Variants in FBXO15 observed in about 807,000 individuals in gnomAD.
FBXO15 encodes the protein F-box protein 15, also known as F-box only protein 15.
FBXO15 carries 30 observed loss-of-function variants against 49.5 expected under a neutral mutation model. That is an observed-to-expected ratio of 0.61 (90% CI 0.45 to 0.82). The LOEUF (loss-of-function observed/expected upper bound fraction) is 0.82, where lower values mean the gene tolerates loss of function less well. FBXO15 is among the 40% of genes least tolerant of loss of function. The pLI is 0.00. For missense variants in FBXO15, 591 were observed against 631.5 expected (o/e 0.94, Z 0.69); for synonymous variants, 250 against 232.7 (o/e 1.07, Z -0.68).
At chr18:74,147,415 G>A in intron 1 of FBXO15, 1 of 968,102 alleles carries the variant, frequency 1.0e-6, no homozygotes, top group East Asian at 4.4e-5. Context: ...TGGCAGGTGC[G>A]CGCATCCCCG....
At chr18:74,093,264 G>GC (rs35793189) in intron 8 of FBXO15, among the ~76,000 whole-genome samples, 19 of 8,316 alleles carry the variant, frequency 2.3e-3, no homozygotes, top group South Asian at 0.017. Flanking sequence ...GCAAAACAAT[G>GC]GGGGGGGGGT....
intron 9 of FBXO15, among the ~76,000 whole-genome samples, chr18:74,077,211 G>A (rs1912290860): frequency 6.6e-6 from 1 of 152,212 alleles, no homozygotes; most frequent in African/African-American, 2.4e-5. Context: ...ACCACTATGT[G>A]CTGAATGAAT....
intron 1 of FBXO15, among the ~76,000 whole-genome samples, chr18:74,143,189 AATTTT>A (rs1240859640): frequency 2.6e-5 from 4 of 152,296 alleles, no homozygotes; most frequent in Non-Finnish European, 4.4e-5. Flanking sequence ...CATCAAATAT[AATTTT>A]ATTTAAGATA....
At position 74,105,271 on chromosome 18, in the gene FBXO15, T is replaced by C. The variant is rs191797705; in HGVS notation, c.1138+18097A>G. Among the ~76,000 whole-genome samples the C allele has an allele frequency of 5.7e-3, 875 of 152,308 alleles. 3 individuals carry two copies. Among genetic ancestry groups the C allele is most frequent in the Non-Finnish European group, 0.01 (698 of 68,024 alleles). On this transcript the variant is annotated intron_variant, in intron 8 of 9. Transcript: ENST00000419743. ...CTACAGTCTATGATTGCCTATTATA[T>C]ATTTCAAAATAGTTAGAATTAAATA...
chr18:74,139,019 C>T (rs1048011022), intron 2 of FBXO15, among the ~76,000 whole-genome samples: 1 of 152,158 alleles, frequency 6.6e-6, no homozygotes, highest in Non-Finnish European at 1.5e-5. Context: ...GGCTCCCCGA[C>T]CCCCACACTG....
chr18:74,101,029 A>G (rs2145145463), intron 8 of FBXO15, among the ~76,000 whole-genome samples: 1 of 152,266 alleles, frequency 6.6e-6, no homozygotes, highest in South Asian at 2.1e-4. Context: ...AGATAGAGAA[A>G]GAAAGAATCC....
chr18:74,089,477 G>A (rs1336867030), intron 8 of FBXO15, among the ~76,000 whole-genome samples: 2 of 152,170 alleles, frequency 1.3e-5, no homozygotes, highest in Admixed American at 6.5e-5. Flanking sequence ...TTGGAGTGGT[G>A]AGAGAGGGCA....
rs758205246 is a variant in FBXO15 at position 74,073,538 on chromosome 18, C to T, written c.1456G>A (p.Glu486Lys). 3.1e-6 allele frequency: 5 copies of T among 1,614,190 alleles called. No individual in the cohort carries two copies. The highest frequency in any genetic ancestry group is 3.3e-5 in the Admixed American group (2 of 60,030). ...HVELVWIRET[E>K]EYLIVNLVLY... ...ACCAGGTTGACAATAAGGTATTCTT[C>T]GGTCTCTCTGATCCACACCAGCTCC... Residue 486 changes from glutamate (E) to lysine (K), a missense_variant, in exon 10 of 10, where the codon GAA becomes AAA. By Grantham distance (56) the Glu-to-Lys change is moderately conservative (BLOSUM62 1). Coordinates refer to ENST00000419743, the MANE Select transcript of FBXO15 (RefSeq NM_001142958.2).
intron 8 of FBXO15, 123 bp from the exon 9 acceptor site, chr18:74,082,174 G>T: frequency 2.4e-6 from 2 of 847,486 alleles, no homozygotes; most frequent in Non-Finnish European, 1.7e-6. Flanking sequence ...AGCGATGAGG[G>T]CAACATGGGC....
intron 8 of FBXO15, among the ~76,000 whole-genome samples, chr18:74,119,107 C>G (rs547630081): frequency 6.6e-6 from 1 of 152,292 alleles, no homozygotes; most frequent in Non-Finnish European, 1.5e-5. Context: ...CTCAGGCCCT[C>G]GCTGTCGCCT....
chr18:74,095,168 A>C (rs1198895746), intron 8 of FBXO15, among the ~76,000 whole-genome samples: 1 of 152,220 alleles, frequency 6.6e-6, no homozygotes, highest in Non-Finnish European at 1.5e-5. Flanking sequence ...TCCATTCAAC[A>C]ACTAAAGCTT....
intron 1 of FBXO15, among the ~76,000 whole-genome samples, chr18:74,142,265 A>T (rs988056512): frequency 1.3e-5 from 2 of 150,598 alleles, no homozygotes; most frequent in African/African-American, 2.5e-5. Context: ...CTTTAATCAG[A>T]TAATTCTACC....
chr18:74,130,216 C>A (rs1028202932), intron 4 of FBXO15, among the ~76,000 whole-genome samples, 200 bp downstream of exon 4: 8 of 152,158 alleles, frequency 5.3e-5, no homozygotes, highest in Non-Finnish European at 1.0e-4. Context: ...TTCCCCCCCA[C>A]TAATATTTCT....
chr18:74,140,351 C>CA (rs1978992804), intron 1 of FBXO15, 39 bp from the exon 2 acceptor site: 1 of 1,509,766 alleles, frequency 6.6e-7, no homozygotes, highest in East Asian at 2.5e-5. Context: ...ATGTAATTAC[C>CA]AAATGAGGTG....
intron 8 of FBXO15, 117 bp from the exon 9 acceptor site, chr18:74,082,168 A>G (rs537929525): frequency 2.0e-6 from 2 of 1,000,036 alleles, no homozygotes; most frequent in African/African-American, 3.3e-5. Flanking sequence ...GGCCTCAGCG[A>G]TGAGGGCAAC....
At chr18:74,090,771 G>A (rs1912989597) in intron 8 of FBXO15, among the ~76,000 whole-genome samples, 1 of 152,098 alleles carries the variant, frequency 6.6e-6, no homozygotes, top group Non-Finnish European at 1.5e-5. Flanking sequence ...AGCATGGTTG[G>A]TATGATTTTA....
intron 3 of FBXO15, among the ~76,000 whole-genome samples, chr18:74,135,348 CTCTT>C (rs1464769711): frequency 6.6e-6 from 1 of 152,190 alleles, no homozygotes; most frequent in Non-Finnish European, 1.5e-5. Context: ...TCTCTTCCTT[CTCTT>C]TCTTTAGGAT....
At chr18:74,132,992 A>T (rs556622524) in intron 3 of FBXO15, among the ~76,000 whole-genome samples, 1 of 152,194 alleles carries the variant, frequency 6.6e-6, no homozygotes, top group Non-Finnish European at 1.5e-5. Context: ...AGTGTAACTC[A>T]CTACACTATG....
chr18:74,086,140 T>C (rs1220149442), intron 8 of FBXO15, among the ~76,000 whole-genome samples: 1 of 152,062 alleles, frequency 6.6e-6, no homozygotes, highest in Non-Finnish European at 1.5e-5. Flanking sequence ...TAATCTGAAC[T>C]AGACACAGAA....
Sources: allele counts gnomAD v4.1 joint callset (sites outside exome capture counted in the v4.1 genomes callset), GRCh38; gene constraint gnomAD v4.1.1; transcripts MANE v1.5; gene names NCBI Gene and HGNC (gene_info 2026-07-23, HGNC 2026-07-21).